Variants in UBE2V1 observed in about 807,000 individuals in gnomAD.
UBE2V1 encodes the protein ubiquitin conjugating enzyme E2 V1.
A neutral mutation model predicts 19.6 loss-of-function variants in UBE2V1; 15 were observed. The observed-to-expected ratio is 0.77, with a 90% CI of 0.51 to 1.18. The LOEUF is 1.18. Ranked by LOEUF, UBE2V1 falls within the 50% of genes most tolerant of loss-of-function variation. The pLI, the probability that UBE2V1 is intolerant of heterozygous loss-of-function variation, is 0.00. For synonymous variants in UBE2V1, 60 were observed against 60.7 expected (o/e 0.99, Z 0.05); for missense variants, 125 against 184.8 (o/e 0.68, Z 1.88).
intron 2 of UBE2V1, among the ~76,000 whole-genome samples, chr20:50,087,782 T>A (rs1048542686): frequency 2.0e-5 from 3 of 152,170 alleles, no homozygotes; most frequent in Non-Finnish European, 4.4e-5. Context: ...ACAATCTACA[T>A]GTCTCCTTGC....
chr20:50,099,935 A>G (rs1182907123), intron 1 of UBE2V1, among the ~76,000 whole-genome samples: 1 of 152,030 alleles, frequency 6.6e-6, no homozygotes, highest in Non-Finnish European at 1.5e-5. Context: ...CATGTCTACA[A>G]AAAAATACAA....
At chr20:50,095,145 G>A (rs2079547245) in intron 2 of UBE2V1, 1 of 152,156 alleles carries the variant, frequency 6.6e-6, no homozygotes, top group African/African-American at 2.4e-5. Context: ...TCAGTAAGTT[G>A]ATTAACAAAT....
chr20:50,092,710 C>A (rs1357783365), intron 2 of UBE2V1, among the ~76,000 whole-genome samples: 8 of 152,186 alleles, frequency 5.3e-5, no homozygotes, highest in African/African-American at 1.9e-4. Flanking sequence ...GGCTCAGAAG[C>A]TTTGTTTTTA....
chr20:50,109,577 T>C (rs1245400646), intron 1 of UBE2V1, among the ~76,000 whole-genome samples: 1 of 151,928 alleles, frequency 6.6e-6, no homozygotes, highest in Non-Finnish European at 1.5e-5. Context: ...GGTGAAACCC[T>C]GTCTCTACTA....
At chr20:50,090,685 C>T (rs1008584688) in intron 2 of UBE2V1, among the ~76,000 whole-genome samples, 7 of 152,122 alleles carry the variant, frequency 4.6e-5, no homozygotes, top group Non-Finnish European at 8.8e-5. Flanking sequence ...TCAAAGGGCA[C>T]AAACTTTCAG....
upstream of UBE2V1, among the ~76,000 whole-genome samples, chr20:50,114,634 C>G (rs560585451): frequency 6.6e-6 from 1 of 152,180 alleles, no homozygotes; most frequent in Non-Finnish European, 1.5e-5. Context: ...CAGGGCAAAG[C>G]AGGATGCCTG....
rs1277220473 is a variant in UBE2V1, at chr20:50,083,032, G to A, written c.298-118C>T. 9.5e-6 allele frequency: 14 copies of A among 1,475,578 alleles called. No individual in the cohort carries two copies. In the Admixed American group the frequency reaches 1.6e-4, roughly 16 times the overall value. 91.4% of individuals were successfully genotyped at this position (1,475,578 alleles called of 1,614,324 possible). On this transcript the variant is annotated intron_variant, in intron 3 of 3. Transcript: ENST00000371674. ...ATGTACTTTTTAAGCTGAACCTGCT[G>A]CTAATCCTAATACCTTACATGCGGA...
At chr20:50,091,603 G>A (rs2079231400) in intron 2 of UBE2V1, among the ~76,000 whole-genome samples, 1 of 151,506 alleles carries the variant, frequency 6.6e-6, no homozygotes, top group Admixed American at 6.6e-5. Flanking sequence ...ATATTGGCCA[G>A]GCTGGTCTTG....
rs1192034532 is a variant in UBE2V1 at position 50,113,108 on chromosome 20, C to T, written c.21G>A (p.Ser7=). 1.5e-6 allele frequency: 2 copies of T among 1,350,798 alleles called. No homozygotes were observed. Among genetic ancestry groups the T allele is most frequent in the East Asian group, 3.0e-5 (1 of 33,660 alleles). The allele number at this position is 1,350,798 out of a possible 1,614,324, so 83.7% of individuals were successfully genotyped here. A position where few individuals can be genotyped will look rare whatever the true frequency, so the allele number is the denominator to read the frequency against. MAATTG[S]GVKVPRNFRL... is the part of the protein sequence containing the mutation. Reference sequence around the variant, plus strand: ...GCCGGGCCCGGCGCCCCCGCTCACCCGAGCCCGTGGTGGCTGCCATCTTGC... The same window carrying T: ...GCCGGGCCCGGCGCCCCCGCTCACCTGAGCCCGTGGTGGCTGCCATCTTGC... Residue 7 remains serine, a splice_region_variant and synonymous_variant, in exon 1 of 4, where the codon TCG becomes TCA. Coordinates refer to ENST00000371674, the MANE Select transcript of UBE2V1 (RefSeq NM_001032288.3).
At chr20:50,113,813 C>T (rs60025023), upstream of UBE2V1, among the ~76,000 whole-genome samples, 34,248 of 150,060 alleles carry the variant, frequency 0.23, 4,066 homozygotes, top group Admixed American at 0.28. Context: ...ATTCATTCAA[C>T]CAAACAAACA....
At chr20:50,087,022 A>G (rs1321095615) in intron 2 of UBE2V1, among the ~76,000 whole-genome samples, 2 of 152,176 alleles carry the variant, frequency 1.3e-5, no homozygotes, top group East Asian at 3.8e-4. Flanking sequence ...GCTTGCAGTG[A>G]GCCGAGATTG....
upstream of UBE2V1, chr20:50,113,204 C>T: frequency 2.6e-6 from 3 of 1,171,806 alleles, no homozygotes; most frequent in South Asian, 3.7e-5. Context: ...GATGCGCAGG[C>T]GCGCGCGCAC....
chr20:50,096,588 T>C lies in UBE2V1; in HGVS notation c.171+84A>G. On this transcript the variant is annotated intron_variant, in intron 2 of 3. Transcript: ENST00000371674. Reference sequence around the variant, plus strand: ...GAAAATATACCATTGGTGAGCTTTTTTTCCGTGATAAGGCTAATATTTTTT... The same window carrying C: ...GAAAATATACCATTGGTGAGCTTTTCTTCCGTGATAAGGCTAATATTTTTT... 3.7e-6 allele frequency: 6 copies of C among 1,607,384 alleles called. No individual in the cohort carries two copies. In the East Asian group the frequency reaches 6.7e-5, roughly 18 times the overall value.
At chr20:50,098,799 A>G (rs571608225) in intron 1 of UBE2V1, 2 of 468,580 alleles carry the variant, frequency 4.3e-6, no homozygotes, top group East Asian at 1.5e-4. Flanking sequence ...AATGTAAGCA[A>G]AAGAGTCAGT....
chr20:50,100,770 T>C (rs878943068), intron 1 of UBE2V1, among the ~76,000 whole-genome samples: 2 of 152,200 alleles, frequency 1.3e-5, no homozygotes, highest in Non-Finnish European at 2.9e-5. Context: ...AGCTGGACTA[T>C]TTATAGTAGG....
intron 1 of UBE2V1, among the ~76,000 whole-genome samples, chr20:50,106,251 T>C (rs897664491): frequency 1.3e-5 from 2 of 152,246 alleles, no homozygotes; most frequent in Non-Finnish European, 2.9e-5. Flanking sequence ...AGTCAGCCGG[T>C]TATTCTCTTA....
At chr20:50,098,662 C>CT (rs2079789078) in intron 1 of UBE2V1, among the ~76,000 whole-genome samples, 1 of 152,082 alleles carries the variant, frequency 6.6e-6, no homozygotes, top group South Asian at 2.1e-4. Context: ...TGTTAGAGGA[C>CT]TTTCGGTGGT....
chr20:50,097,004 G>C (rs1266791438), intron 1 of UBE2V1, among the ~76,000 whole-genome samples, 184 bp from the exon 2 acceptor site: 15 of 152,136 alleles, frequency 9.9e-5, no homozygotes. Context: ...ACAACCAGAG[G>C]GAAGGGGCAC....
intron 2 of UBE2V1, among the ~76,000 whole-genome samples, chr20:50,089,840 A>G (rs2079121792): frequency 6.6e-6 from 1 of 152,242 alleles, no homozygotes; most frequent in Non-Finnish European, 1.5e-5. Context: ...TGATCCTAAT[A>G]GAAAATAAAA....
Sources: allele counts gnomAD v4.1 joint callset (sites outside exome capture counted in the v4.1 genomes callset), GRCh38; gene constraint gnomAD v4.1.1; transcripts MANE v1.5; gene names NCBI Gene and HGNC (gene_info 2026-07-23, HGNC 2026-07-21).